The following NSG2 variants were observed in gnomAD, a reference collection of about 807,000 sequenced individuals.
NSG2 encodes neuronal vesicle trafficking associated 2, also known as neuronal vesicle trafficking-associated protein 2.
A neutral mutation model predicts 16.9 loss-of-function variants in NSG2; 4 were observed. The observed-to-expected ratio is 0.24, with a 90% CI of 0.12 to 0.54. The LOEUF is 0.54. Among genes scored for constraint, NSG2 ranks in the 20% least tolerant of loss-of-function variants. The pLI is 0.95. For synonymous variants in NSG2, 98 were observed against 88.7 expected, an observed-to-expected ratio of 1.11 and a Z score of -0.59; for missense variants, 179 against 221.1, an observed-to-expected ratio of 0.81 and a Z score of 1.21.
At chr5:174,096,818 C>G (rs562319017) in intron 3 of NSG2, among the ~76,000 whole-genome samples, 1 of 152,226 alleles carries the variant, frequency 6.6e-6, no homozygotes, top group Non-Finnish European at 1.5e-5. Context: ...AGGCAGGGGT[C>G]GCTGCAGAGT....
At chr5:174,088,689 G>A (rs1314152771) in intron 3 of NSG2, among the ~76,000 whole-genome samples, 4 of 152,180 alleles carry the variant, frequency 2.6e-5, no homozygotes, top group Non-Finnish European at 4.4e-5. Flanking sequence ...TATGCCAGGC[G>A]CTGGGCTTGG....
intron 3 of NSG2, among the ~76,000 whole-genome samples, chr5:174,073,415 G>A (rs562868811): frequency 6.6e-6 from 1 of 152,286 alleles, no homozygotes; most frequent in African/African-American, 2.4e-5. Flanking sequence ...CTGCCTGCTG[G>A]GTTAGGAGCA....
chr5:174,097,597 G>T (rs1561674994), intron 3 of NSG2, among the ~76,000 whole-genome samples: 1 of 150,584 alleles, frequency 6.6e-6, no homozygotes, highest in Admixed American at 6.6e-5. Flanking sequence ...GTGTGTAACT[G>T]TGTGTGTGTC....
chr5:174,048,408 G>T (rs1249151286), intron 2 of NSG2, among the ~76,000 whole-genome samples: 1 of 152,132 alleles, frequency 6.6e-6, no homozygotes, highest in Non-Finnish European at 1.5e-5. Context: ...TTTTAGGTGT[G>T]CATTAACCTG....
At chr5:174,090,073 C>T (rs762501945) in intron 3 of NSG2, among the ~76,000 whole-genome samples, 6 of 152,170 alleles carry the variant, frequency 3.9e-5, no homozygotes, top group African/African-American at 7.2e-5. Flanking sequence ...GGAATGCCTT[C>T]TCCTGCCTTC....
At chr5:174,061,944 TGGG>T (rs1760060373) in intron 2 of NSG2, among the ~76,000 whole-genome samples, 1 of 144,650 alleles carries the variant, frequency 6.9e-6, no homozygotes, top group African/African-American at 2.6e-5. Context: ...GCAGGGAAGT[TGGG>T]GGCATTCTTG....
At chr5:174,106,348 C>T (rs1269312081) in intron 4 of NSG2, among the ~76,000 whole-genome samples, 1 of 152,034 alleles carries the variant, frequency 6.6e-6, no homozygotes, top group African/African-American at 2.4e-5. Context: ...AGGACATAAA[C>T]GTGCAAAGAA....
At chr5:174,062,428 G>C (rs1048293162) in intron 2 of NSG2, 4 of 152,198 alleles carry the variant, frequency 2.6e-5, no homozygotes, top group Non-Finnish European at 4.4e-5. Context: ...TGGTACAAGA[G>C]CTTCTGTTTT....
chr5:174,046,272 G>A (rs1359581026), intron 1 of NSG2: 3 of 155,362 alleles, frequency 1.9e-5, no homozygotes, highest in African/African-American at 7.3e-5. Context: ...TGTATTTATT[G>A]TGTTTTAGGG....
At chr5:174,078,268 C>T (rs1394470320) in intron 3 of NSG2, among the ~76,000 whole-genome samples, 4 of 151,874 alleles carry the variant, frequency 2.6e-5, no homozygotes, top group Admixed American at 6.6e-5. Flanking sequence ...ACAGTACACG[C>T]ACACACACCA....
At chr5:174,064,170 A>G in intron 2 of NSG2, 62 bp from the exon 3 acceptor site, 3 of 1,234,718 alleles carry the variant, frequency 2.4e-6, no homozygotes, top group African/African-American at 1.5e-5. Flanking sequence ...GGTTACTGAA[A>G]AAAAAGAAAG....
In NSG2 at chr5:174,074,124, C is replaced by T. The variant is rs368099840; in HGVS notation, c.213+9809C>T. On this transcript the variant is annotated intron_variant, in intron 3 of 4. Coordinates refer to ENST00000303177, the MANE Select transcript of NSG2 (RefSeq NM_015980.5). ...CTCTCAGCACACCACTGTGGAAAGG[C>T]GATATGGAAGAAACACATGGGTTAG... Among the ~76,000 whole-genome samples, 160 of 152,178 alleles carry T rather than the reference C, an allele frequency of 1.1e-3. No individual in the cohort carries two copies. The South Asian group carries it at 0.015, about 14-fold the overall frequency.
chr5:174,051,565 C>T (rs1158663949), intron 2 of NSG2, among the ~76,000 whole-genome samples: 4 of 152,022 alleles, frequency 2.6e-5, no homozygotes, highest in African/African-American at 9.7e-5. Context: ...TCCATCTACC[C>T]ATCCATTCAT....
intron 3 of NSG2, among the ~76,000 whole-genome samples, chr5:174,095,477 C>T (rs545749959): frequency 2.0e-5 from 3 of 152,100 alleles, no homozygotes; most frequent in South Asian, 2.1e-4. Flanking sequence ...ACTCAAATCC[C>T]GCCTCCCGTT....
intron 3 of NSG2, among the ~76,000 whole-genome samples, chr5:174,074,866 T>C (rs1760311898): frequency 1.3e-5 from 2 of 151,912 alleles, no homozygotes; most frequent in African/African-American, 4.8e-5. Context: ...GGTCCTTGAC[T>C]CCCCACTTTC....
intron 3 of NSG2, among the ~76,000 whole-genome samples, chr5:174,101,250 G>A (rs1760892695): frequency 6.6e-6 from 1 of 152,206 alleles, no homozygotes; most frequent in Admixed American, 6.5e-5. Context: ...CAGAGCTGCA[G>A]GTGCCAGGAT....
At position 174,107,543 on chromosome 5, in the gene NSG2, G is replaced by C. The variant is rs1346276352; in HGVS notation, c.*38G>C. On this transcript the variant is annotated 3_prime_UTR_variant, in exon 5 of 5. Coordinates refer to ENST00000303177, the MANE Select transcript of NSG2 (RefSeq NM_015980.5). The surrounding 1 kb of genome is among the most constrained non-coding windows in gnomAD (Gnocchi z 4.5). The stretch of plus-strand genomic sequence containing the variant: ...GCCAGAATGGGGGGCGGGGTGGAGA[G>C]GAGGACCCCCATTGGCTAAGCCAAG... 6.4e-7 allele frequency: 1 copy of C among 1,574,790 alleles called. No individual in the cohort carries two copies. Among genetic ancestry groups the C allele is most frequent in the African/African-American group, 1.3e-5 (1 of 74,106 alleles).
Position 174,072,540 on chromosome 5 carries a change from C to T in NSG2, c.213+8225C>T, listed in dbSNP as rs1377787648. On this transcript the variant is annotated intron_variant, in intron 3 of 4. Coordinates refer to ENST00000303177, the MANE Select transcript of NSG2 (RefSeq NM_015980.5). This position sits in a 1 kb window ranked among gnomAD's most constrained non-coding sequence, Gnocchi z 4.0. The stretch of plus-strand genomic sequence containing the variant: ...TGGGTTCCTGCATGTCCTATAGGAC[C>T]CTCCATTCTAGTACCAATTAAACAG... Among the ~76,000 whole-genome samples, 3 of 152,186 alleles carry T rather than the reference C, an allele frequency of 2.0e-5. No homozygotes were observed. The highest frequency in any genetic ancestry group is 2.9e-5 in the Non-Finnish European group (2 of 68,040).
At chr5:174,075,731 T>C (rs2113448450) in intron 3 of NSG2, among the ~76,000 whole-genome samples, 1 of 152,324 alleles carries the variant, frequency 6.6e-6, no homozygotes, top group South Asian at 2.1e-4. Context: ...CAATGCATGA[T>C]TATATTAAAT....
Sources: allele counts gnomAD v4.1 joint callset (sites outside exome capture counted in the v4.1 genomes callset), GRCh38; gene constraint gnomAD v4.1.1; non-coding constraint Gnocchi (gnomAD v3.1); transcripts MANE v1.5; gene names NCBI Gene and HGNC (gene_info 2026-07-23, HGNC 2026-07-21).